SDK2: variants seen among roughly 807,000 people sequenced by gnomAD.
SDK2 encodes the protein protein sidekick-2.
Under a neutral mutation model 253.9 loss-of-function variants are expected in SDK2, and 105 were observed. The observed-to-expected ratio is 0.41, with a 90% CI of 0.35 to 0.49. The LOEUF (loss-of-function observed/expected upper bound fraction) is 0.49. SDK2 is among the 20% of genes least tolerant of loss of function. The pLI, the probability that SDK2 is intolerant of heterozygous loss-of-function variation, is 0.06. For synonymous variants in SDK2, 1,249 were observed against 1,234.9 expected (o/e 1.01, Z -0.24); for missense variants, 2,608 against 3,003.0 (o/e 0.87, Z 3.07).
chr17:73,593,770 G>A (rs1599709666), intron 1 of SDK2, among the ~76,000 whole-genome samples: 1 of 152,290 alleles, frequency 6.6e-6, no homozygotes, highest in East Asian at 1.9e-4. Context: ...AAATAACACA[G>A]GGGCCTGGGC....
chr17:73,411,089 T>C (rs188240559), intron 18 of SDK2, among the ~76,000 whole-genome samples: 106 of 151,814 alleles, frequency 7.0e-4, no homozygotes, highest in Non-Finnish European at 5.4e-4. Context: ...GGGTCCCAAT[T>C]AGGAGAGTTT....
chr17:73,399,360 G>A, intron 21 of SDK2, 71 bp from the exon 22 acceptor site: 1 of 1,501,182 alleles, frequency 6.7e-7, no homozygotes, highest in East Asian at 2.3e-5. Context: ...GGGACTGTTG[G>A]GCATGGAGGG....
At position 73,414,133 on chromosome 17, in the gene SDK2, C is replaced by T. The variant is rs918609562; in HGVS notation, c.2484+511G>A. ...TGCAATCTCGGCTCACTGCAACCTC[C>T]GCCTCCCAGGTTCAAGTGATTCTCC... On this transcript the variant is annotated intron_variant, in intron 18 of 44. Transcript: ENST00000392650. Among the ~76,000 whole-genome samples, 70 of 151,666 alleles carry T rather than the reference C, an allele frequency of 4.6e-4. 2 individuals carry two copies. The highest frequency in any genetic ancestry group is 4.3e-3 in the Admixed American group (66 of 15,202).
At chr17:73,353,015 T>C (rs573982657) in intron 40 of SDK2, among the ~76,000 whole-genome samples, 1 of 151,882 alleles carries the variant, frequency 6.6e-6, no homozygotes, top group East Asian at 1.9e-4. Flanking sequence ...TGCTTGAAGC[T>C]GGGAGATGGA....
intron 1 of SDK2, among the ~76,000 whole-genome samples, chr17:73,603,911 T>A (rs1266832793): frequency 6.6e-6 from 1 of 152,068 alleles, no homozygotes; most frequent in African/African-American, 2.4e-5. Context: ...ACAATGAGTG[T>A]CCTCTTAGCA....
In SDK2 at chr17:73,541,850, C is replaced by A. The variant is rs914782828; in HGVS notation, c.65-34253G>T. Among the ~76,000 whole-genome samples the A allele has an allele frequency of 3.9e-5, 6 of 152,160 alleles. No homozygotes were observed. The highest frequency in any genetic ancestry group is 2.6e-4 in the Admixed American group (4 of 15,276). On this transcript the variant is annotated intron_variant, in intron 1 of 44. Transcript: ENST00000392650. The surrounding 1 kb of genome is among the most constrained non-coding windows in gnomAD (Gnocchi z 4.3). ...AGCCGAGTGGAAGATCCTCGTCAAT[C>A]GGGCTCATGGTTTGGTGGAAACCAC... is the stretch of plus-strand genomic sequence containing the variant.
At chr17:73,382,296 A>C (rs1164494536) in intron 33 of SDK2, among the ~76,000 whole-genome samples, 1 of 151,404 alleles carries the variant, frequency 6.6e-6, no homozygotes, top group Non-Finnish European at 1.5e-5. Flanking sequence ...TCCCACACCC[A>C]CCTGAGTACC....
rs1183307672 is a variant in SDK2 at position 73,642,894 on chromosome 17, C to G, written c.64+1131G>C. The G allele has an allele frequency of 6.6e-6, 1 of 152,168 alleles. No homozygotes were observed. Among genetic ancestry groups the G allele is most frequent in the Non-Finnish European group, 1.5e-5 (1 of 68,060 alleles). 9.4% of individuals were successfully genotyped at this position (152,168 alleles called of 1,614,324 possible). On this transcript the variant is annotated intron_variant, in intron 1 of 44. Coordinates refer to ENST00000392650, the MANE Select transcript of SDK2 (RefSeq NM_001144952.2). This position sits in a 1 kb window ranked among gnomAD's most constrained non-coding sequence, Gnocchi z 4.7. ...TTGGCTCTCTGGATTGCCTGGCGCA[C>G]GAGGCGGCGTGGGGAGTGGGTTGCA... is the stretch of plus-strand genomic sequence containing the variant.
At chr17:73,597,673 T>C in intron 1 of SDK2, among the ~76,000 whole-genome samples, 1 of 148,562 alleles carries the variant, frequency 6.7e-6, no homozygotes, top group African/African-American at 2.5e-5. Context: ...TGAGACAGAG[T>C]CTCGCTCTGT....
At chr17:73,419,374 G>T in intron 15 of SDK2, 68 bp from the exon 16 acceptor site, 1 of 1,546,476 alleles carries the variant, frequency 6.5e-7, no homozygotes, top group Non-Finnish European at 8.8e-7. Flanking sequence ...GATATGAGAA[G>T]GCTGAACCCT....
Position 73,437,772 on chromosome 17 carries a change from C to T in SDK2, c.967G>A (p.Glu323Lys), listed in dbSNP as rs1375320983. The T allele has an allele frequency of 4.3e-6, 7 of 1,613,924 alleles. No individual in the cohort carries two copies. The highest frequency in any genetic ancestry group is 1.3e-5 in the African/African-American group (1 of 74,938). The change falls in exon 8 of 45, where the codon GAG (glutamate) becomes AAG (lysine). Residue 323 changes from glutamate (E) to lysine (K), a missense_variant. By Grantham distance (56) the Glu-to-Lys change is moderately conservative. Coordinates refer to ENST00000392650, the MANE Select transcript of SDK2 (RefSeq NM_001144952.2). ...TGACAGGGGATGTCCACCACCTTCT[C>T]CATCTCCGCAGTGATGTGTCTTTCT... ...EPERHITAEM[E>K]KVVDIPCQAK...
intron 1 of SDK2, chr17:73,517,889 T>C (rs2064042406): frequency 6.6e-6 from 1 of 152,364 alleles, no homozygotes; most frequent in Non-Finnish European, 1.5e-5. Flanking sequence ...TTTCAATCCA[T>C]GTTAGTTCCT....
intron 1 of SDK2, among the ~76,000 whole-genome samples, chr17:73,560,266 C>T (rs1262892132): frequency 1.3e-5 from 2 of 152,232 alleles, no homozygotes; most frequent in Non-Finnish European, 2.9e-5. Flanking sequence ...ATGGAAATGA[C>T]AGCTGGGCTG....
intron 5 of SDK2, among the ~76,000 whole-genome samples, chr17:73,445,175 A>G (rs1356258185): frequency 1.3e-5 from 2 of 152,234 alleles, no homozygotes; most frequent in African/African-American, 4.8e-5. Context: ...AAGGATTTCA[A>G]AGACTTAGTA....
chr17:73,419,502 A>G (rs1243879783), intron 15 of SDK2, among the ~76,000 whole-genome samples, 196 bp from the exon 16 acceptor site: 1 of 152,084 alleles, frequency 6.6e-6, no homozygotes, highest in Non-Finnish European at 1.5e-5. Context: ...TGCCTGCCTT[A>G]TGAGACTAGT....
At chr17:73,411,044 T>TGCCG (rs756618027) in intron 18 of SDK2, among the ~76,000 whole-genome samples, 51 of 152,214 alleles carry the variant, frequency 3.4e-4, no homozygotes, top group Non-Finnish European at 5.9e-4. Context: ...TCTTCAGCAA[T>TGCCG]GCCGGCCTCC....
chr17:73,431,047 C>A lies in SDK2; in HGVS notation c.1481-434G>T, dbSNP rs1031611106. On this transcript the variant is annotated intron_variant, in intron 11 of 44. Coordinates refer to ENST00000392650, the MANE Select transcript of SDK2 (RefSeq NM_001144952.2). The surrounding 1 kb of genome is among the most constrained non-coding windows in gnomAD (Gnocchi z 5.6). The stretch of plus-strand genomic sequence containing the variant: ...GCTGGGGGCCAAATCCGGCAGGTGG[C>A]CTTTTTGGCTAAATAAACCCTTACT... Among the ~76,000 whole-genome samples the A allele has an allele frequency of 6.6e-6, 1 of 152,184 alleles. No homozygotes were observed. The highest frequency in any genetic ancestry group is 2.4e-5 in the African/African-American group (1 of 41,452).
rs1050508620 is a variant in SDK2, at chr17:73,644,380, A to G, written c.-292T>C. Among the ~76,000 whole-genome samples the G allele has an allele frequency of 6.6e-6, 1 of 151,818 alleles. No individual in the cohort carries two copies. Among genetic ancestry groups the G allele is most frequent in the Admixed American group, 6.5e-5 (1 of 15,274 alleles). ...GGCGCCTCTCTCCCTTAGCACCCCAACTCCGACTTCTCCCAAACAGGGCGG... is the reference window on the plus strand; with the variant it reads ...GGCGCCTCTCTCCCTTAGCACCCCAGCTCCGACTTCTCCCAAACAGGGCGG... On this transcript the variant is annotated 5_prime_UTR_variant, in exon 1 of 45. Coordinates refer to ENST00000392650, the MANE Select transcript of SDK2 (RefSeq NM_001144952.2). This position sits in a 1 kb window ranked among gnomAD's most constrained non-coding sequence, Gnocchi z 6.3.
intron 5 of SDK2, among the ~76,000 whole-genome samples, chr17:73,445,532 T>C (rs1020431614): frequency 4.6e-5 from 7 of 151,998 alleles, no homozygotes; most frequent in Admixed American, 3.9e-4. Flanking sequence ...CTGAAGAGCA[T>C]AGGGTCCCTA....
Sources: allele counts gnomAD v4.1 joint callset (sites outside exome capture counted in the v4.1 genomes callset), GRCh38; gene constraint gnomAD v4.1.1; non-coding constraint Gnocchi (gnomAD v3.1); transcripts MANE v1.5; gene names NCBI Gene and HGNC (gene_info 2026-07-23, HGNC 2026-07-21).